Variants in CTCFL observed in about 807,000 individuals in gnomAD.
The protein encoded by CTCFL is CCCTC-binding factor like, also known as transcriptional repressor CTCFL.
A neutral mutation model predicts 67.4 loss-of-function variants in CTCFL; 36 were observed. That is an observed-to-expected ratio of 0.53 (90% CI 0.41 to 0.71). CTCFL has a LOEUF of 0.71. Ranked by LOEUF, CTCFL falls within the 30% of genes least tolerant of loss-of-function variation. The probability of loss-of-function intolerance (pLI) is 0.00; values close to 1 mark genes in which losing one functional copy is unlikely to be tolerated. For synonymous variants in CTCFL, 324 were observed against 302.3 expected, an observed-to-expected ratio of 1.07 and a Z score of -0.75; for missense variants, 786 against 835.2, an observed-to-expected ratio of 0.94 and a Z score of 0.73.
chr20:57,518,891 C>G lies in CTCFL; in HGVS notation c.926G>C (p.Gly309Ala). The G allele has an allele frequency of 6.2e-7, 1 of 1,609,890 alleles. No individual in the cohort carries two copies. Among genetic ancestry groups the G allele is most frequent in the Non-Finnish European group, 8.5e-7 (1 of 1,177,116 alleles). ...GTCGTTACACTTGTAGGGCCTGGTTCCTGTAAAATCACATAGTTCATACTT... is the reference window on the plus strand; with the variant it reads ...GTCGTTACACTTGTAGGGCCTGGTTGCTGTAAAATCACATAGTTCATACTT... ...LLRNHVNTHT[G>A]TRPYKCNDCN... is the part of the protein sequence containing the mutation. The change falls in exon 5 of 11, where the codon GGA becomes GCA. Residue 309 changes from glycine (G) to alanine (A), a missense_variant and splice_region_variant. Around this residue, in one of 3 missense-constraint regions of CTCFL, gnomAD observed 254 missense variants for 333.9 expected, o/e 0.76. Coordinates refer to ENST00000243914, the MANE Select transcript of CTCFL (RefSeq NM_001386993.1).
At chr20:57,502,590 T>C (rs1204083835) in intron 10 of CTCFL, among the ~76,000 whole-genome samples, 1 of 152,140 alleles carries the variant, frequency 6.6e-6, no homozygotes, top group Non-Finnish European at 1.5e-5. Context: ...TTTCCAGTCA[T>C]CTACGGTTCT....
At chr20:57,517,994 G>A (rs1203534604) in intron 5 of CTCFL, among the ~76,000 whole-genome samples, 2 of 152,138 alleles carry the variant, frequency 1.3e-5, no homozygotes, top group African/African-American at 2.4e-5. Context: ...ATCAAATTCT[G>A]ACCCTAACCA....
intron 10 of CTCFL, chr20:57,500,271 G>A (rs1468481265): frequency 2.3e-6 from 2 of 887,510 alleles, no homozygotes; most frequent in African/African-American, 1.8e-5. Flanking sequence ...GAGAGACATG[G>A]TAAAACCCCA....
chr20:57,512,640 C>T lies in CTCFL; in HGVS notation c.1443G>A (p.Lys481=), dbSNP rs2068636677. The change falls in exon 8 of 11, where the codon AAG becomes AAA. Residue 481 remains lysine, a synonymous_variant. Coordinates refer to ENST00000243914, the MANE Select transcript of CTCFL (RefSeq NM_001386993.1). The part of the protein sequence containing the change: ...YALIQHQKTH[K]NEKRFKCKHC... Reference sequence around the variant, plus strand: ...GTTTGCACTTGAACCTCTTCTCATTCTTATGAGTTTTCTGGTGCTGAATGA... The same window carrying T: ...GTTTGCACTTGAACCTCTTCTCATTTTTATGAGTTTTCTGGTGCTGAATGA... 1.2e-6 allele frequency: 2 copies of T among 1,614,244 alleles called. No homozygotes were observed. Among genetic ancestry groups the T allele is most frequent in the Non-Finnish European group, 1.7e-6 (2 of 1,180,040 alleles).
intron 7 of CTCFL, chr20:57,513,756 G>A: frequency 8.1e-7 from 1 of 1,235,516 alleles, no homozygotes; most frequent in South Asian, 1.4e-5. Flanking sequence ...CTCATCTCCA[G>A]AATCTCTTTG....
At chr20:57,517,390 C>A (rs976397151) in intron 5 of CTCFL, among the ~76,000 whole-genome samples, 1 of 151,384 alleles carries the variant, frequency 6.6e-6, no homozygotes, top group African/African-American at 2.4e-5. Context: ...GATTTTCCTG[C>A]CTCAGCCTCC....
At chr20:57,502,047 G>A (rs1384430359) in intron 10 of CTCFL, among the ~76,000 whole-genome samples, 1 of 152,230 alleles carries the variant, frequency 6.6e-6, no homozygotes, top group East Asian at 1.9e-4. Context: ...CCGCGCATGG[G>A]CAGTGTGCAC....
intron 9 of CTCFL, among the ~76,000 whole-genome samples, chr20:57,505,311 A>G (rs1311247482): frequency 6.6e-6 from 1 of 151,694 alleles, no homozygotes; most frequent in East Asian, 1.9e-4. Flanking sequence ...GCTGGAGTGC[A>G]GTGGCACGAT....
intron 5 of CTCFL, among the ~76,000 whole-genome samples, chr20:57,516,183 T>TTTTG (rs200706857): frequency 0.37 from 55,649 of 151,690 alleles, 10,394 homozygotes; most frequent in Middle Eastern, 0.49. Flanking sequence ...AAAATTTAGA[T>TTTTG]TACACTGTAA....
intron 5 of CTCFL, 41 bp from the exon 6 acceptor site, chr20:57,515,875 A>G: frequency 6.3e-7 from 1 of 1,581,106 alleles, no homozygotes; most frequent in Non-Finnish European, 8.6e-7. Flanking sequence ...ATAGAAACTA[A>G]AAAATGGCAG....
Position 57,525,098 on chromosome 20 carries a change from T to A in CTCFL, c.-82A>T, listed in dbSNP as rs1354024409. ...TGTGGGCTCTGCCTCGTGCACCGCG[T>A]GCTGCAGCCCACAGCCGGCCGCCGC... On this transcript the variant is annotated 5_prime_UTR_variant, in exon 1 of 11. Coordinates refer to ENST00000243914, the MANE Select transcript of CTCFL (RefSeq NM_001386993.1). 6.6e-6 allele frequency: 1 copy of A among 151,676 alleles called. No homozygotes were observed. Among genetic ancestry groups the A allele is most frequent in the Non-Finnish European group, 1.5e-5 (1 of 68,012 alleles). 9.4% of individuals were successfully genotyped at this position (151,676 alleles called of 1,614,324 possible). A position where few individuals can be genotyped will look rare whatever the true frequency, so the allele number is the denominator to read the frequency against.
At position 57,512,680 on chromosome 20, in the gene CTCFL, T is replaced by C. The variant is rs373853259; in HGVS notation, c.1403A>G (p.His468Arg). Residue 468 changes from histidine to arginine, a missense_variant, in exon 8 of 11, where the codon CAT becomes CGT. Transcript: ENST00000243914. ...GTGCTGAATGAGGGCATAGCGTTCA[T>C]GGAAGACAGCAGAACAGTAGCGGCA... The part of the protein sequence containing the change: ...LKCRYCSAVF[H>R]ERYALIQHQK... The C allele has an allele frequency of 3.3e-5, 54 of 1,614,120 alleles. No homozygotes were observed. The highest frequency in any genetic ancestry group is 4.2e-5 in the Non-Finnish European group (49 of 1,180,030).
At chr20:57,520,269 C>T (rs6015020) in intron 3 of CTCFL, among the ~76,000 whole-genome samples, 106,729 of 152,100 alleles carry the variant, frequency 0.7, 38,946 homozygotes, top group African/African-American at 0.92. Context: ...GGGATTCCCA[C>T]AGATAACAGT....
At chr20:57,513,472 A>T (rs895796608) in intron 7 of CTCFL, 29 of 995,214 alleles carry the variant, frequency 2.9e-5, no homozygotes, top group Non-Finnish European at 3.5e-5. Context: ...CAGTCATGGG[A>T]AGGAAGAATT....
At chr20:57,512,879 CAGGGT>C (rs760607765) in intron 7 of CTCFL, 127 bp from the exon 8 acceptor site, 90 of 816,372 alleles carry the variant, frequency 1.1e-4, no homozygotes, top group Non-Finnish European at 1.6e-4. Context: ...CTGGGCAGGG[CAGGGT>C]GGGCTATCCT....
Position 57,523,673 on chromosome 20 carries a change from C to G in CTCFL, c.533G>C (p.Gly178Ala). Reference protein sequence around the residue: ...KLAVSLAETTGLIKLEEEQEK... With the variant: ...KLAVSLAETTALIKLEEEQEK... ...TAAAACCAGCTGTACCTTGATCAGT[C>G]CAGTAGTTTCAGCCAGGCTCACCGC... The change falls in exon 2 of 11, where the codon GGA (glycine) becomes GCA (alanine). Residue 178 changes from glycine to alanine, a missense_variant. Gly to Ala is a moderately conservative substitution (Grantham distance 60, BLOSUM62 0). This residue lies in a region of CTCFL where 333 missense variants were observed against 304.6 expected (regional missense o/e 1.09). Coordinates refer to ENST00000243914, the MANE Select transcript of CTCFL (RefSeq NM_001386993.1). 2 of 1,613,284 alleles carry G rather than the reference C, an allele frequency of 1.2e-6. No individual in the cohort carries two copies. Among genetic ancestry groups the G allele is most frequent in the Non-Finnish European group, 1.7e-6 (2 of 1,179,814 alleles).
intron 10 of CTCFL, among the ~76,000 whole-genome samples, chr20:57,503,104 CA>C (rs1389045285): frequency 6.6e-5 from 10 of 152,218 alleles, no homozygotes; most frequent in African/African-American, 2.4e-4. Context: ...ATTTGAAAAT[CA>C]ATTTCTGTTG....
rs138061728 is a variant in CTCFL at position 57,513,130 on chromosome 20, A to T, written c.1331-378T>A. On this transcript the variant is annotated intron_variant, in intron 7 of 10. Coordinates refer to ENST00000243914, the MANE Select transcript of CTCFL (RefSeq NM_001386993.1). ...ATATAAGGTATGTCACACTGGACCTAAAATGTTCATTGAACAAAGCACTTT... is the reference window on the plus strand; with the variant it reads ...ATATAAGGTATGTCACACTGGACCTTAAATGTTCATTGAACAAAGCACTTT... 194 of 444,728 alleles carry T rather than the reference A, an allele frequency of 4.4e-4. 1 individual carries two copies. The highest frequency in any genetic ancestry group is 3.5e-3 in the African/African-American group (166 of 47,050). The allele number at this position is 444,728 out of a possible 1,614,324, so 27.5% of individuals were successfully genotyped here.
chr20:57,507,332 C>A lies in CTCFL; in HGVS notation c.1674+1274G>T, dbSNP rs2068262578. ...CCAACCACCCAAGTAGCTGGGATTA[C>A]AAGCGTGCACTACCACGCCTAGCTA... On this transcript the variant is annotated intron_variant, in intron 9 of 10. Transcript: ENST00000243914. 4 of 480,524 alleles carry A rather than the reference C, an allele frequency of 8.3e-6. No homozygotes were observed. The East Asian group carries it at 1.6e-4, about 19-fold the overall frequency. 29.8% of individuals were successfully genotyped at this position (480,524 alleles called of 1,614,324 possible). A position where few individuals can be genotyped will look rare whatever the true frequency, so the allele number is the denominator to read the frequency against.
Sources: gnomAD v4.1 joint callset for allele counts (sites outside exome capture counted in the v4.1 genomes callset) on GRCh38, gnomAD v4.1.1 for gene constraint, gnomAD v4.1.1 regional missense constraint, MANE v1.5 for transcripts, NCBI Gene and HGNC (gene_info 2026-07-23, HGNC 2026-07-21) for gene names.